The following GMDS variants were observed in gnomAD, a reference collection of about 807,000 sequenced individuals.
GMDS encodes GDP-mannose 4,6 dehydratase.
GMDS carries 20 observed loss-of-function variants against 49.9 expected under a neutral mutation model. That is an observed-to-expected ratio of 0.40 (90% CI 0.28 to 0.58). The LOEUF is 0.58. Ranked by LOEUF, GMDS falls within the 20% of genes least tolerant of loss-of-function variation. The pLI, the probability that GMDS is intolerant of heterozygous loss-of-function variation, is 0.42. For missense variants in GMDS, 362 were observed against 481.4 expected (o/e 0.75, Z 2.32); for synonymous variants, 177 against 178.6 (o/e 0.99, Z 0.07).
At chr6:1,945,652 G>A (rs939272649) in intron 6 of GMDS, among the ~76,000 whole-genome samples, 9 of 152,082 alleles carry the variant, frequency 5.9e-5, no homozygotes, top group Admixed American at 2.0e-4. Flanking sequence ...GCCTGCACCC[G>A]TAGATCCAGC....
intron 4 of GMDS, among the ~76,000 whole-genome samples, chr6:2,002,900 T>C (rs1279393532): frequency 6.6e-6 from 1 of 152,194 alleles, no homozygotes; most frequent in African/African-American, 2.4e-5. Flanking sequence ...TCTACCACTC[T>C]TACATGGGTG....
chr6:2,037,176 T>C (rs1769355350), intron 4 of GMDS, among the ~76,000 whole-genome samples: 1 of 152,148 alleles, frequency 6.6e-6, no homozygotes, highest in Non-Finnish European at 1.5e-5. Context: ...GAACTGACAA[T>C]GCCCCTTCAA....
chr6:1,786,895 G>A (rs540334273), intron 7 of GMDS, among the ~76,000 whole-genome samples: 14 of 152,100 alleles, frequency 9.2e-5, no homozygotes, highest in South Asian at 4.2e-4. Flanking sequence ...AATGTACAAC[G>A]GAAGTGAGTG....
At chr6:1,860,422 T>A (rs984297574) in intron 7 of GMDS, among the ~76,000 whole-genome samples, 1 of 152,042 alleles carries the variant, frequency 6.6e-6, no homozygotes, top group African/African-American at 2.4e-5. Context: ...AGGAAAAACA[T>A]TAGGGCAGAA....
chr6:2,005,666 C>A (rs1208325964), intron 4 of GMDS, among the ~76,000 whole-genome samples: 2 of 152,180 alleles, frequency 1.3e-5, no homozygotes, highest in African/African-American at 2.4e-5. Context: ...TTCTCCACTT[C>A]TACACCCAGT....
At chr6:1,822,430 A>T (rs1054977870) in intron 7 of GMDS, among the ~76,000 whole-genome samples, 1 of 152,192 alleles carries the variant, frequency 6.6e-6, no homozygotes, top group Non-Finnish European at 1.5e-5. Context: ...TGAGTTTGTT[A>T]GGATGAAAAA....
chr6:1,815,944 T>C (rs1770648479), intron 7 of GMDS, among the ~76,000 whole-genome samples: 1 of 152,240 alleles, frequency 6.6e-6, no homozygotes, highest in African/African-American at 2.4e-5. Flanking sequence ...GAACTTCAGC[T>C]GGGAATAGAA....
At chr6:1,877,246 G>A (rs1759118261) in intron 7 of GMDS, among the ~76,000 whole-genome samples, 1 of 152,136 alleles carries the variant, frequency 6.6e-6, no homozygotes, top group Admixed American at 6.5e-5. Context: ...CAAAAAAAGG[G>A]AAGGATTGAA....
chr6:1,737,865 A>T (rs1767082956), intron 8 of GMDS, among the ~76,000 whole-genome samples: 1 of 150,286 alleles, frequency 6.7e-6, no homozygotes, highest in Non-Finnish European at 1.5e-5. Flanking sequence ...ATATGCACAC[A>T]TACACACATA....
At chr6:1,781,681 G>T (rs927685835) in intron 7 of GMDS, among the ~76,000 whole-genome samples, 1 of 152,134 alleles carries the variant, frequency 6.6e-6, no homozygotes, top group East Asian at 1.9e-4. Context: ...ATAACATCCC[G>T]CTGTGAATAT....
intron 4 of GMDS, among the ~76,000 whole-genome samples, chr6:1,978,578 C>T (rs1046004548): frequency 3.3e-5 from 5 of 152,032 alleles, no homozygotes; most frequent in Non-Finnish European, 5.9e-5. Flanking sequence ...CCCCCTCCCA[C>T]CCCATGTTCT....
intron 7 of GMDS, among the ~76,000 whole-genome samples, chr6:1,780,822 G>A (rs932990024): frequency 6.6e-6 from 1 of 152,218 alleles, no homozygotes; most frequent in African/African-American, 2.4e-5. Flanking sequence ...TATACACCAA[G>A]GTGATGATTC....
At chr6:1,944,305 G>C (rs757911340) in intron 6 of GMDS, among the ~76,000 whole-genome samples, 9 of 152,154 alleles carry the variant, frequency 5.9e-5, no homozygotes, top group Non-Finnish European at 5.9e-5. Context: ...AGGAGTTCGA[G>C]ACCATCCTGG....
chr6:1,671,912 C>T (rs766432347), intron 9 of GMDS, among the ~76,000 whole-genome samples: 1 of 152,156 alleles, frequency 6.6e-6, no homozygotes, highest in East Asian at 1.9e-4. Context: ...ATCTGCCCAC[C>T]TTGGCTTCCC....
chr6:2,188,086 A>G (rs1013104341), intron 1 of GMDS, among the ~76,000 whole-genome samples: 2 of 152,212 alleles, frequency 1.3e-5, no homozygotes, highest in African/African-American at 4.8e-5. Context: ...GCTGGTTCTC[A>G]ATTCAGGCTG....
At chr6:1,627,425 A>G (rs927163198) in intron 9 of GMDS, among the ~76,000 whole-genome samples, 8 of 152,182 alleles carry the variant, frequency 5.3e-5, no homozygotes, top group African/African-American at 1.9e-4. Context: ...AGGTGGTGGC[A>G]AATGCTCATA....
In GMDS at chr6:1,930,236, AAG is replaced by A. The variant is rs1202802517; in HGVS notation, c.644-8_644-7del. 1 of 1,611,902 alleles carries A rather than the reference AAG, an allele frequency of 6.2e-7. No homozygotes were observed. The highest frequency in any genetic ancestry group is 2.2e-5 in the East Asian group (1 of 44,864). The stretch of plus-strand genomic sequence containing the variant: ...TCGAGTAACGAAATTAGCTCCTAAA[AAG>A]AGGCAAAAGATGTAGTATCAGTCAA... On this transcript the variant is annotated splice_polypyrimidine_tract_variant and splice_region_variant and intron_variant, in intron 6 of 10. Coordinates refer to ENST00000380815, the MANE Select transcript of GMDS (RefSeq NM_001500.4).
At chr6:1,726,127 G>A (rs1766576387) in intron 9 of GMDS, among the ~76,000 whole-genome samples, 2 of 152,232 alleles carry the variant, frequency 1.3e-5, no homozygotes, top group East Asian at 1.9e-4. Context: ...CATTAGAATA[G>A]GAGACCAACA....
At chr6:1,997,971 A>G (rs1766398675) in intron 4 of GMDS, among the ~76,000 whole-genome samples, 1 of 152,180 alleles carries the variant, frequency 6.6e-6, no homozygotes, top group South Asian at 2.1e-4. Context: ...GAGGCAGTAC[A>G]AGAAGCCTAT....
Sources: allele counts gnomAD v4.1 joint callset (sites outside exome capture counted in the v4.1 genomes callset), GRCh38; gene constraint gnomAD v4.1.1; transcripts MANE v1.5; gene names NCBI Gene and HGNC (gene_info 2026-07-23, HGNC 2026-07-21).